Variants in SLC37A1 observed in about 807,000 individuals in gnomAD.
SLC37A1 encodes solute carrier family 37 member 1, also known as glucose-6-phosphate exchanger SLC37A1.
Under a neutral mutation model 75.3 loss-of-function variants are expected in SLC37A1, and 49 were observed. The observed-to-expected ratio is 0.65, with a 90% CI of 0.52 to 0.83. The LOEUF (loss-of-function observed/expected upper bound fraction) is 0.83. SLC37A1 is among the 40% of genes least tolerant of loss of function. The pLI, the probability that SLC37A1 is intolerant of heterozygous loss-of-function variation, is 0.00. For synonymous variants in SLC37A1, 268 were observed against 292.1 expected (o/e 0.92, Z 0.84); for missense variants, 566 against 695.0 (o/e 0.81, Z 2.09).
intron 2 of SLC37A1, among the ~76,000 whole-genome samples, chr21:42,522,385 G>C (rs1490237890): frequency 6.6e-6 from 1 of 152,220 alleles, no homozygotes; most frequent in African/African-American, 2.4e-5. Context: ...GCTTCTGGGG[G>C]TTTGAGCCCA....
In SLC37A1 at chr21:42,580,667, A is replaced by C; in HGVS notation, c.*307A>C. On this transcript the variant is annotated 3_prime_UTR_variant, in exon 20 of 20. Transcript: ENST00000352133. ...CAGCCACCCAAATGCACGCGTGACA[A>C]CAAGGCCGGGAGGGTGGGGGGGGTG... is the stretch of plus-strand genomic sequence containing the variant. The C allele has an allele frequency of 3.9e-6, 1 of 258,752 alleles. No homozygotes were observed. The highest frequency in any genetic ancestry group is 7.4e-6 in the Non-Finnish European group (1 of 135,560). 16.0% of individuals were successfully genotyped at this position (258,752 alleles called of 1,614,324 possible).
rs948693691 is a variant in SLC37A1 at position 42,548,297 on chromosome 21, A to G, written c.768+1157A>G. Among the ~76,000 whole-genome samples, 4 of 152,092 alleles carry G rather than the reference A, an allele frequency of 2.6e-5. No homozygotes were observed. The highest frequency in any genetic ancestry group is 4.8e-5 in the African/African-American group (2 of 41,412). On this transcript the variant is annotated intron_variant, in intron 9 of 19. Coordinates refer to ENST00000352133, the MANE Select transcript of SLC37A1 (RefSeq NM_001320537.2). This position sits in a 1 kb window ranked among gnomAD's most constrained non-coding sequence, Gnocchi z 5.6. ...CAATCTGAGGTCTCACCACCACTCA[A>G]CCTTCCCACGGAGATGTCTGAGTGT...
intron 2 of SLC37A1, 44 bp from the exon 3 acceptor site, chr21:42,525,727 ATAACT>A: frequency 7.3e-7 from 1 of 1,367,160 alleles, no homozygotes. Context: ...TATTCCTAAC[ATAACT>A]TCTGTTATTT....
chr21:42,574,963 G>A (rs1243294491), intron 18 of SLC37A1, 48 bp downstream of exon 18: 1 of 1,610,356 alleles, frequency 6.2e-7, no homozygotes, highest in Non-Finnish European at 8.5e-7. Context: ...GCAGATCTCT[G>A]TGGTTGTGTC....
At chr21:42,557,886 A>G (rs1160665943) in intron 10 of SLC37A1, among the ~76,000 whole-genome samples, 1 of 152,144 alleles carries the variant, frequency 6.6e-6, no homozygotes, top group African/African-American at 2.4e-5. Context: ...GGTCTGAGAT[A>G]CCTAGAAGCA....
At chr21:42,517,107 T>C (rs574296488) in intron 1 of SLC37A1, among the ~76,000 whole-genome samples, 94 of 152,350 alleles carry the variant, frequency 6.2e-4, no homozygotes, top group Non-Finnish European at 1.1e-3. Context: ...CTCTTTTGAA[T>C]TTACAATGAG....
intron 16 of SLC37A1, 68 bp from the exon 17 acceptor site, chr21:42,568,292 A>G (rs2056031994): frequency 1.4e-5 from 18 of 1,284,740 alleles, no homozygotes; most frequent in Non-Finnish European, 2.0e-5. Context: ...GTAAATGGTC[A>G]TACAGAGGCT....
At chr21:42,559,310 A>AT (rs1340122541) in intron 11 of SLC37A1, among the ~76,000 whole-genome samples, 3 of 142,646 alleles carry the variant, frequency 2.1e-5, no homozygotes, top group African/African-American at 8.0e-5. Flanking sequence ...TTTTTTTGAA[A>AT]TTCGTTTTCT....
intron 10 of SLC37A1, among the ~76,000 whole-genome samples, 161 bp downstream of exon 10, chr21:42,554,303 T>C (rs565797822): frequency 1.3e-5 from 2 of 152,360 alleles, no homozygotes; most frequent in East Asian, 3.9e-4. Context: ...AAAATTTGAG[T>C]TTGCCCTTAT....
intron 2 of SLC37A1, among the ~76,000 whole-genome samples, chr21:42,505,982 T>C (rs1387436960): frequency 6.6e-6 from 1 of 152,180 alleles, no homozygotes; most frequent in African/African-American, 2.4e-5. Flanking sequence ...GGAGCACAAA[T>C]TGGTTGAATG....
At chr21:42,509,871 A>C (rs890678193), upstream of SLC37A1, among the ~76,000 whole-genome samples, 9 of 152,148 alleles carry the variant, frequency 5.9e-5, no homozygotes, top group Admixed American at 1.3e-4. The surrounding 1 kb of genome is among the most constrained non-coding windows in gnomAD (Gnocchi z 4.2). Flanking sequence ...CTTTCTAAGC[A>C]TGAGGTATTT....
At position 42,530,647 on chromosome 21, in the gene SLC37A1, CA is replaced by C. The variant is rs1601689702; in HGVS notation, c.139-4050del. On this transcript the variant is annotated intron_variant, in intron 3 of 19. Coordinates refer to ENST00000352133, the MANE Select transcript of SLC37A1 (RefSeq NM_001320537.2). ...ACACACACACACACACACACACACACACACACACCCCCTCTGTGTTGGCTGA... is the reference window on the plus strand; with the variant it reads ...ACACACACACACACACACACACACACCACACACCCCCTCTGTGTTGGCTGA... Among the ~76,000 whole-genome samples the C allele has an allele frequency of 5.0e-3, 157 of 31,272 alleles. 2 individuals are homozygous for C. Among genetic ancestry groups the C allele is most frequent in the Middle Eastern group, 0.01 (1 of 100 alleles). The allele number at this position is 31,272 out of a possible 152,430, so 20.5% of individuals were successfully genotyped here.
At chr21:42,535,122 G>A (rs1388280723) in intron 4 of SLC37A1, among the ~76,000 whole-genome samples, 5 of 152,232 alleles carry the variant, frequency 3.3e-5, no homozygotes, top group African/African-American at 7.2e-5. Context: ...AGAGAGACAC[G>A]AGGCGCTGGT....
intron 2 of SLC37A1, 75 bp from the exon 3 acceptor site, chr21:42,525,701 A>G: frequency 1.9e-6 from 2 of 1,037,316 alleles, no homozygotes; most frequent in Non-Finnish European, 1.5e-6. Context: ...AGAACGTTTC[A>G]GAACACAGTG....
chr21:42,574,679 G>C, intron 17 of SLC37A1, 139 bp from the exon 18 acceptor site: 2 of 745,378 alleles, frequency 2.7e-6, no homozygotes, highest in Non-Finnish European at 4.3e-6. Context: ...CAATCTGATA[G>C]GCCAGGATGA....
upstream of SLC37A1, among the ~76,000 whole-genome samples, chr21:42,510,081 G>A (rs76437898): frequency 1.9e-3 from 290 of 152,332 alleles, 3 homozygotes; most frequent in East Asian, 0.05. Flanking sequence ...TTACTGGAGT[G>A]CAGTGATGCG....
rs1307438241 is a variant in SLC37A1, at chr21:42,542,453, G to C, written c.536G>C (p.Cys179Ser). The change falls in exon 7 of 20, where the codon TGC (cysteine) becomes TCC (serine). Residue 179 changes from cysteine to serine, a missense_variant. By Grantham distance (112) the Cys-to-Ser change is moderately radical. Transcript: ENST00000352133. Reference protein sequence around the residue: ...QTTGWPSVVTCLGNWFGKGRR... With the variant: ...QTTGWPSVVTSLGNWFGKGRR... ...ACCGGCTGGCCCAGCGTCGTCACCT[G>C]CCTCGGCAACTGGTTTGGAAAAGGA... 1 of 1,613,894 alleles carries C rather than the reference G, an allele frequency of 6.2e-7. No individual in the cohort carries two copies. Among genetic ancestry groups the C allele is most frequent in the African/African-American group, 1.3e-5 (1 of 74,926 alleles).
At chr21:42,580,210 C>G (rs1015833644) in intron 19 of SLC37A1, 135 bp from the exon 20 acceptor site, 1 of 984,936 alleles carries the variant, frequency 1.0e-6, no homozygotes. Context: ...AGCACCCCTG[C>G]AGGAGAGGAA....
chr21:42,527,243 A>T (rs3788020), intron 3 of SLC37A1, among the ~76,000 whole-genome samples: 48,433 of 152,040 alleles, frequency 0.32, 9,183 homozygotes, highest in Admixed American at 0.54. Flanking sequence ...GGGCAGATGT[A>T]GCGTGTAAGG....
Sources: gnomAD v4.1 joint callset for allele counts (sites outside exome capture counted in the v4.1 genomes callset) on GRCh38, gnomAD v4.1.1 for gene constraint, Gnocchi (gnomAD v3.1) non-coding constraint, MANE v1.5 for transcripts, NCBI Gene and HGNC (gene_info 2026-07-23, HGNC 2026-07-21) for gene names.